GHR: variants seen among roughly 807,000 people sequenced by gnomAD.
The protein encoded by GHR is GH receptor.
GHR carries 35 observed loss-of-function variants against 67.1 expected under a neutral mutation model. The ratio of observed to expected loss-of-function variants is 0.52; its 90% CI spans 0.40 to 0.69. GHR has a LOEUF of 0.69. GHR is among the 30% of genes least tolerant of loss of function. The pLI, the probability that GHR is intolerant of heterozygous loss-of-function variation, is 0.00. For missense variants in GHR, 792 were observed against 764.6 expected (o/e 1.04, Z -0.42); for synonymous variants, 272 against 269.1 (o/e 1.01, Z -0.10).
chr5:42,461,052 T>G (rs560625489), intron 1 of GHR, among the ~76,000 whole-genome samples: 1 of 152,200 alleles, frequency 6.6e-6, no homozygotes, highest in Non-Finnish European at 1.5e-5. Flanking sequence ...ATCTGGGATA[T>G]GCTTTCATTC....
intron 1 of GHR, among the ~76,000 whole-genome samples, chr5:42,431,847 T>G (rs931159635): frequency 1.3e-5 from 2 of 152,144 alleles, no homozygotes; most frequent in Non-Finnish European, 2.9e-5. Flanking sequence ...TGATAGAGAA[T>G]TGGAACACAT....
At chr5:42,511,851 T>C (rs908702655) in intron 1 of GHR, among the ~76,000 whole-genome samples, 3 of 152,186 alleles carry the variant, frequency 2.0e-5, no homozygotes, top group Admixed American at 1.3e-4. Context: ...GTCTTAATAT[T>C]TCTGGCCTGG....
At chr5:42,491,384 C>T (rs900260534) in intron 1 of GHR, among the ~76,000 whole-genome samples, 1 of 152,228 alleles carries the variant, frequency 6.6e-6, no homozygotes. Context: ...ACTTTCACTA[C>T]AGAGGCAATG....
chr5:42,461,287 C>G (rs866881430), intron 1 of GHR, among the ~76,000 whole-genome samples: 2 of 152,168 alleles, frequency 1.3e-5, no homozygotes, highest in South Asian at 2.1e-4. Flanking sequence ...ACTCTAACCT[C>G]ATTATTTCAT....
At chr5:42,447,512 T>C (rs560861078) in intron 1 of GHR, among the ~76,000 whole-genome samples, 6 of 152,332 alleles carry the variant, frequency 3.9e-5, no homozygotes, top group African/African-American at 1.2e-4. Context: ...ACATTTTCTT[T>C]ATCCACTCAT....
intron 1 of GHR, among the ~76,000 whole-genome samples, chr5:42,447,729 CTCT>C (rs1561308495): frequency 7.7e-6 from 1 of 129,112 alleles, no homozygotes; most frequent in African/African-American, 3.2e-5. Context: ...CCCTCTCTCT[CTCT>C]TTCTTTCTTT....
At chr5:42,657,489 A>G (rs1352250112) in intron 3 of GHR, among the ~76,000 whole-genome samples, 1 of 152,146 alleles carries the variant, frequency 6.6e-6, no homozygotes, top group African/African-American at 2.4e-5. Context: ...AGAAAGAGAG[A>G]GAGGAAAATG....
At chr5:42,598,396 TCCATTAC>T (rs934541038) in intron 2 of GHR, among the ~76,000 whole-genome samples, 1 of 152,160 alleles carries the variant, frequency 6.6e-6, no homozygotes, top group African/African-American at 2.4e-5. Flanking sequence ...CTCTGGGCAA[TCCATTAC>T]CTGGGGATAA....
At chr5:42,487,400 T>G (rs1392237081) in intron 1 of GHR, among the ~76,000 whole-genome samples, 2 of 152,226 alleles carry the variant, frequency 1.3e-5, no homozygotes, top group African/African-American at 2.4e-5. Context: ...AAGGTTTACT[T>G]AGAGAAAAGC....
intron 5 of GHR, among the ~76,000 whole-genome samples, chr5:42,698,828 TA>T (rs200042057): frequency 0.01 from 1,598 of 152,326 alleles, 25 homozygotes; most frequent in African/African-American, 0.036. Context: ...AAACCCTCAG[TA>T]ATGAGATCCA....
chr5:42,633,138 C>A (rs1205097757), intron 3 of GHR, among the ~76,000 whole-genome samples: 1 of 151,946 alleles, frequency 6.6e-6, no homozygotes, highest in Non-Finnish European at 1.5e-5. Context: ...GAGATTTTTC[C>A]CCTATTTTTA....
intron 2 of GHR, among the ~76,000 whole-genome samples, chr5:42,567,596 TG>T (rs1395237798): frequency 1.3e-5 from 2 of 152,080 alleles, no homozygotes; most frequent in Admixed American, 6.6e-5. Flanking sequence ...AGAACATTTT[TG>T]TCTCTTTTTT....
chr5:42,566,999 A>AT (rs1389604954), intron 2 of GHR, among the ~76,000 whole-genome samples: 2 of 152,232 alleles, frequency 1.3e-5, no homozygotes, highest in African/African-American at 4.8e-5. Context: ...GAAAAGAGTC[A>AT]TAATTGTTGG....
At chr5:42,462,006 G>A (rs546398995) in intron 1 of GHR, among the ~76,000 whole-genome samples, 1 of 152,330 alleles carries the variant, frequency 6.6e-6, no homozygotes, top group East Asian at 1.9e-4. Context: ...GCAGTCTCCT[G>A]TCCTGTCAGA....
rs1579748940 is a variant in GHR, at chr5:42,465,521, T to A, written c.-12+41566T>A. The A allele has an allele frequency of 2.0e-6, 3 of 1,535,220 alleles. No homozygotes were observed. The East Asian group carries it at 6.7e-5, about 34-fold the overall frequency. On this transcript the variant is annotated intron_variant, in intron 1 of 9. Transcript: ENST00000230882. ...ATTTTCAGTGTCTGCCACTGGATGA[T>A]GTTCTTCACCTTCAGGTGTTTCCTC...
intron 1 of GHR, among the ~76,000 whole-genome samples, chr5:42,464,306 C>T (rs1011315620): frequency 6.6e-6 from 1 of 152,178 alleles, no homozygotes; most frequent in African/African-American, 2.4e-5. Context: ...TTAGTTTTCT[C>T]TCTTTGTGTT....
At chr5:42,610,378 A>G (rs1404867443) in intron 2 of GHR, among the ~76,000 whole-genome samples, 2 of 152,118 alleles carry the variant, frequency 1.3e-5, no homozygotes, top group Non-Finnish European at 2.9e-5. Flanking sequence ...AAAAAACAAA[A>G]CTAAGTGACT....
chr5:42,443,495 A>T (rs1192233473), intron 1 of GHR, among the ~76,000 whole-genome samples: 1 of 152,162 alleles, frequency 6.6e-6, no homozygotes, highest in Non-Finnish European at 1.5e-5. Context: ...TTTAATGTCA[A>T]GGGCATTTTT....
At chr5:42,577,014 A>C (rs1750784004) in intron 2 of GHR, among the ~76,000 whole-genome samples, 1 of 152,260 alleles carries the variant, frequency 6.6e-6, no homozygotes, top group Non-Finnish European at 1.5e-5. Flanking sequence ...GAGGAAGAAC[A>C]AGGAAAATTA....
Sources: allele counts gnomAD v4.1 joint callset (sites outside exome capture counted in the v4.1 genomes callset), GRCh38; gene constraint gnomAD v4.1.1; transcripts MANE v1.5; gene names NCBI Gene and HGNC (gene_info 2026-07-23, HGNC 2026-07-21).